The following FNDC3B variants were observed in gnomAD, a reference collection of about 807,000 sequenced individuals.
FNDC3B encodes the protein fibronectin type III domain containing 3B, also known as fibronectin type III domain-containing protein 3B.
A neutral mutation model predicts 151.5 loss-of-function variants in FNDC3B; 12 were observed. The ratio of observed to expected loss-of-function variants is 0.08; its 90% CI spans 0.05 to 0.13. The LOEUF (loss-of-function observed/expected upper bound fraction) is 0.13. Ranked by LOEUF, FNDC3B falls within the 10% of genes least tolerant of loss-of-function variation. The pLI is 1.00. For synonymous variants in FNDC3B, 528 were observed against 549.0 expected (o/e 0.96, Z 0.54); for missense variants, 1,214 against 1,505.3 (o/e 0.81, Z 3.20).
At chr3:172,120,359 T>G (rs1576882752) in intron 2 of FNDC3B, among the ~76,000 whole-genome samples, 4 of 152,298 alleles carry the variant, frequency 2.6e-5, no homozygotes, top group Admixed American at 2.6e-4. Flanking sequence ...TTATGATTGT[T>G]TTCAAATTAT....
chr3:172,295,384 G>A lies in FNDC3B; in HGVS notation c.871G>A (p.Ala291Thr). 6.2e-7 allele frequency: 1 copy of A among 1,612,906 alleles called. No homozygotes were observed. The highest frequency in any genetic ancestry group is 8.5e-7 in the Non-Finnish European group (1 of 1,179,614). The part of the protein sequence containing the change: ...KPQVSNIQAR[A>T]VVLSWAPPVG... ...TCAGGTTTCTAATATTCAGGCAAGA[G>A]CAGTTGTGTTGTCCTGGGCTCCCCC... The change falls in exon 8 of 26, where the codon GCA becomes ACA. Residue 291 changes from alanine (A) to threonine (T), a missense_variant. Physicochemically the swap from Ala to Thr is moderately conservative, Grantham distance 58 (BLOSUM62 0). Around this residue, in one of 7 missense-constraint regions of FNDC3B, gnomAD observed 156 missense variants for 225.3 expected, o/e 0.69. Coordinates refer to ENST00000415807, the MANE Select transcript of FNDC3B (RefSeq NM_022763.4).
intron 1 of FNDC3B, among the ~76,000 whole-genome samples, chr3:172,104,821 T>G (rs1719561614): frequency 6.6e-6 from 1 of 152,234 alleles, no homozygotes; most frequent in Non-Finnish European, 1.5e-5. Context: ...GTTTCTATTT[T>G]GTTTTAATGA....
At chr3:172,199,401 G>C (rs370260537) in intron 3 of FNDC3B, among the ~76,000 whole-genome samples, 3 of 149,362 alleles carry the variant, frequency 2.0e-5, no homozygotes, top group Non-Finnish European at 4.5e-5. Context: ...GGATGGTCTC[G>C]ATCTCCTGAC....
intron 1 of FNDC3B, among the ~76,000 whole-genome samples, chr3:172,088,343 C>A (rs1344798073): frequency 6.6e-6 from 1 of 152,110 alleles, no homozygotes; most frequent in African/African-American, 2.4e-5. Context: ...ACTGAGAAAC[C>A]TAACTCCTGC....
At chr3:172,325,957 G>T (rs761989812) in intron 11 of FNDC3B, among the ~76,000 whole-genome samples, 1 of 152,284 alleles carries the variant, frequency 6.6e-6, no homozygotes, top group South Asian at 2.1e-4. Flanking sequence ...CCAAGTAGCT[G>T]GGATTACAGG....
At chr3:172,137,845 A>G (rs930949868) in intron 3 of FNDC3B, among the ~76,000 whole-genome samples, 2 of 152,214 alleles carry the variant, frequency 1.3e-5, no homozygotes, top group African/African-American at 2.4e-5. Flanking sequence ...GCCTATACCT[A>G]TGGCATCCTA....
At chr3:172,169,150 T>C (rs1723165318) in intron 3 of FNDC3B, among the ~76,000 whole-genome samples, 1 of 152,102 alleles carries the variant, frequency 6.6e-6, no homozygotes, top group African/African-American at 2.4e-5. Context: ...TTGAGGTTCT[T>C]CACCAGCAAG....
In FNDC3B at chr3:172,253,955, T is replaced by C. The variant is rs191345252; in HGVS notation, c.790+2414T>C. ...CCACCACACCCTGCTAATTTTTGTA[T>C]TTTTGGTAGAGATGGGGTTTTGCCA... On this transcript the variant is annotated intron_variant, in intron 6 of 25. Coordinates refer to ENST00000415807, the MANE Select transcript of FNDC3B (RefSeq NM_022763.4). 7.0e-4 allele frequency among the ~76,000 whole-genome samples: 106 copies of C among 152,276 alleles called. 3 individuals carry two copies. In the East Asian group the frequency reaches 0.017, roughly 24 times the overall value.
At chr3:172,263,090 T>A (rs1576851158) in intron 6 of FNDC3B, among the ~76,000 whole-genome samples, 1 of 136,072 alleles carries the variant, frequency 7.3e-6, no homozygotes, top group South Asian at 2.4e-4. Flanking sequence ...GCAATATATA[T>A]AAATATATAT....
At chr3:172,186,163 C>T (rs993317525) in intron 3 of FNDC3B, among the ~76,000 whole-genome samples, 1 of 152,176 alleles carries the variant, frequency 6.6e-6, no homozygotes, top group Non-Finnish European at 1.5e-5. Context: ...CTCCCTTCTT[C>T]CATCAGTAGA....
intron 3 of FNDC3B, among the ~76,000 whole-genome samples, chr3:172,194,710 A>G (rs753039726): frequency 6.6e-6 from 1 of 152,244 alleles, no homozygotes; most frequent in African/African-American, 2.4e-5. Context: ...GAAGAGTCAT[A>G]TAAGTACTTA....
intron 16 of FNDC3B, chr3:172,338,242 AG>A (rs1247164536): frequency 1.4e-5 from 2 of 143,648 alleles, no homozygotes. Context: ...TGAACCCAGC[AG>A]GCGGAGGTTG....
intron 9 of FNDC3B, among the ~76,000 whole-genome samples, chr3:172,306,455 ATT>A (rs1360251405): frequency 6.6e-6 from 1 of 152,206 alleles, no homozygotes; most frequent in African/African-American, 2.4e-5. Flanking sequence ...CTCAATATCT[ATT>A]TGCCAACTCT....
chr3:172,187,132 T>C (rs1724227413), intron 3 of FNDC3B: 1 of 186,528 alleles, frequency 5.4e-6, no homozygotes, highest in Non-Finnish European at 1.1e-5. Flanking sequence ...TTGACTTCTT[T>C]TCCCCATATC....
At chr3:172,205,315 C>T (rs1048077854) in intron 3 of FNDC3B, among the ~76,000 whole-genome samples, 6 of 152,134 alleles carry the variant, frequency 3.9e-5, no homozygotes, top group Admixed American at 1.3e-4. Flanking sequence ...AGGAGAGGGC[C>T]TGGCAACCAT....
intron 10 of FNDC3B, among the ~76,000 whole-genome samples, chr3:172,308,533 G>C (rs1263389461): frequency 1.3e-5 from 2 of 152,154 alleles, no homozygotes; most frequent in African/African-American, 2.4e-5. Context: ...TTCTGGCCCA[G>C]AGAGTCAGGT....
chr3:172,098,133 C>G (rs989984369), intron 1 of FNDC3B, among the ~76,000 whole-genome samples: 1 of 151,710 alleles, frequency 6.6e-6, no homozygotes, highest in Non-Finnish European at 1.5e-5. Context: ...TGCCTCTTTT[C>G]TTGTACAGGT....
chr3:172,342,079 C>T (rs1227640853), intron 17 of FNDC3B, among the ~76,000 whole-genome samples: 5 of 152,196 alleles, frequency 3.3e-5, no homozygotes, highest in Non-Finnish European at 7.4e-5. Flanking sequence ...GCTGGGTTGA[C>T]TTTTCAAGAG....
At chr3:172,327,132 G>A (rs1172926162) in intron 11 of FNDC3B, among the ~76,000 whole-genome samples, 2 of 152,182 alleles carry the variant, frequency 1.3e-5, no homozygotes, top group African/African-American at 2.4e-5. Context: ...ACTCAAGGTT[G>A]AAGTAAGCAT....
Sources: gnomAD v4.1 joint callset for allele counts (sites outside exome capture counted in the v4.1 genomes callset) on GRCh38, gnomAD v4.1.1 for gene constraint, gnomAD v4.1.1 regional missense constraint, MANE v1.5 for transcripts, NCBI Gene and HGNC (gene_info 2026-07-23, HGNC 2026-07-21) for gene names.